The following EPC2 variants were observed in gnomAD, a reference collection of about 807,000 sequenced individuals.
The protein encoded by EPC2 is enhancer of polycomb 2.
In EPC2, 14 loss-of-function variants were observed where a neutral mutation model predicts 92.1. The observed-to-expected ratio is 0.15, with a 90% confidence interval of 0.10 to 0.24. EPC2 has a LOEUF of 0.24. Ranked by LOEUF, EPC2 falls within the 10% of genes least tolerant of loss-of-function variation. EPC2 has a pLI of 1.00. For synonymous variants in EPC2, 340 were observed against 334.7 expected (o/e 1.02, Z -0.17); for missense variants, 755 against 971.5 (o/e 0.78, Z 2.96).
At chr2:148,723,806 A>C (rs1438592228) in intron 2 of EPC2, among the ~76,000 whole-genome samples, 2 of 152,026 alleles carry the variant, frequency 1.3e-5, no homozygotes, top group African/African-American at 4.8e-5. Flanking sequence ...GATATACTTA[A>C]ATTTCTTCTG....
At chr2:148,663,606 T>A (rs1680992763) in intron 1 of EPC2, among the ~76,000 whole-genome samples, 1 of 137,252 alleles carries the variant, frequency 7.3e-6, no homozygotes, top group Admixed American at 7.4e-5. Context: ...TTTTTTTTTT[T>A]TTTTTTTTTT....
Position 148,650,748 on chromosome 2 carries a change from G to A in EPC2, c.153+5578G>A, listed in dbSNP as rs145621306. On this transcript the variant is annotated intron_variant, in intron 1 of 13. Transcript: ENST00000258484. ...ATATTTCATGTTTCATAATGGAGAGGGTATAAAATGCAGTTTTGTAAGTTG... is the reference window on the plus strand; with the variant it reads ...ATATTTCATGTTTCATAATGGAGAGAGTATAAAATGCAGTTTTGTAAGTTG... 6.7e-3 allele frequency among the ~76,000 whole-genome samples: 988 copies of A among 147,152 alleles called. 10 individuals are homozygous for A. The highest frequency in any genetic ancestry group is 0.023 in the African/African-American group (940 of 41,406).
chr2:148,740,241 T>C (rs572366016), intron 2 of EPC2, among the ~76,000 whole-genome samples: 159 of 151,834 alleles, frequency 1.0e-3, no homozygotes, highest in African/African-American at 3.5e-3. Context: ...TTTTTTTTTT[T>C]CTCTAAGTGC....
intron 1 of EPC2, among the ~76,000 whole-genome samples, chr2:148,677,086 C>G (rs1017276359): frequency 6.6e-6 from 1 of 152,206 alleles, no homozygotes; most frequent in African/African-American, 2.4e-5. Flanking sequence ...AACTCTGGTA[C>G]CTACTTCCAG....
intron 1 of EPC2, among the ~76,000 whole-genome samples, chr2:148,646,721 T>G (rs1344596818): frequency 2.6e-5 from 4 of 152,148 alleles, no homozygotes; most frequent in Non-Finnish European, 4.4e-5. Flanking sequence ...TTTGGATATT[T>G]TTGCTATTTT....
intron 8 of EPC2, 27 bp from the exon 9 acceptor site, chr2:148,770,765 T>C (rs187519778): frequency 1.3e-5 from 21 of 1,564,758 alleles, no homozygotes; most frequent in Non-Finnish European, 1.7e-5. Flanking sequence ...ATGAGTTTTT[T>C]GTTTTTTGTT....
At chr2:148,707,059 G>C (rs1682016477) in intron 2 of EPC2, among the ~76,000 whole-genome samples, 1 of 152,136 alleles carries the variant, frequency 6.6e-6, no homozygotes, top group Admixed American at 6.5e-5. Flanking sequence ...CTGGAAATTG[G>C]ATAAAGAGTC....
intron 3 of EPC2, among the ~76,000 whole-genome samples, chr2:148,745,050 C>T (rs1323878684): frequency 8.1e-6 from 1 of 123,000 alleles, no homozygotes; most frequent in African/African-American, 3.1e-5. Context: ...CAAAGAAATA[C>T]ATTTTGAAAA....
At chr2:148,719,952 G>A (rs932205446) in intron 2 of EPC2, among the ~76,000 whole-genome samples, 2 of 152,206 alleles carry the variant, frequency 1.3e-5, no homozygotes, top group Admixed American at 1.3e-4. Flanking sequence ...GCTCTGGCTG[G>A]GAGGACCCGC....
At chr2:148,740,993 T>C (rs745458546) in intron 2 of EPC2, among the ~76,000 whole-genome samples, 3 of 152,156 alleles carry the variant, frequency 2.0e-5, no homozygotes, top group African/African-American at 7.2e-5. Flanking sequence ...TGATGCAGAT[T>C]AGATTGACTT....
intron 1 of EPC2, among the ~76,000 whole-genome samples, chr2:148,683,475 C>T (rs1363440889): frequency 6.6e-6 from 1 of 152,046 alleles, no homozygotes; most frequent in Non-Finnish European, 1.5e-5. Context: ...ACCATGTTAG[C>T]CAGGATTGTC....
At chr2:148,745,555 T>C (rs767130760) in intron 3 of EPC2, among the ~76,000 whole-genome samples, 28 of 152,114 alleles carry the variant, frequency 1.8e-4, no homozygotes, top group Admixed American at 1.2e-3. Context: ...TTTAGTTCTC[T>C]TTGCTCAGGG....
intron 2 of EPC2, among the ~76,000 whole-genome samples, chr2:148,742,784 C>CA (rs5835210): frequency 0.71 from 96,287 of 134,894 alleles, 35,767 homozygotes; most frequent in Non-Finnish European, 0.86. Context: ...GACCTTGCCT[C>CA]AAAAAAAAAA....
chr2:148,674,799 A>G (rs977359844), intron 1 of EPC2, among the ~76,000 whole-genome samples: 5 of 151,948 alleles, frequency 3.3e-5, no homozygotes, highest in South Asian at 2.1e-4. Context: ...GGGTACTGCA[A>G]TTTCTCAGCT....
intron 2 of EPC2, among the ~76,000 whole-genome samples, chr2:148,729,930 T>G (rs1016334232): frequency 2.0e-5 from 3 of 152,192 alleles, no homozygotes; most frequent in African/African-American, 7.2e-5. Flanking sequence ...ATATAAAATG[T>G]GAATTTTGCA....
At chr2:148,662,792 A>G (rs1215399057) in intron 1 of EPC2, among the ~76,000 whole-genome samples, 2 of 149,496 alleles carry the variant, frequency 1.3e-5, no homozygotes, top group Non-Finnish European at 3.0e-5. Context: ...CATTGTGCAC[A>G]TGTACCCTAA....
At chr2:148,713,918 G>T (rs1425591722) in intron 2 of EPC2, among the ~76,000 whole-genome samples, 1 of 152,048 alleles carries the variant, frequency 6.6e-6, no homozygotes. Context: ...TTTCTTGATT[G>T]AGGGGTACAT....
At chr2:148,738,146 A>ACAG (rs1682805719) in intron 2 of EPC2, among the ~76,000 whole-genome samples, 1 of 152,042 alleles carries the variant, frequency 6.6e-6, no homozygotes, top group East Asian at 1.9e-4. Flanking sequence ...AACAACAACA[A>ACAG]AAACTCCTTT....
At chr2:148,742,496 TA>T (rs746731738) in intron 2 of EPC2, among the ~76,000 whole-genome samples, 10 of 152,158 alleles carry the variant, frequency 6.6e-5, no homozygotes, top group Non-Finnish European at 1.5e-4. Flanking sequence ...CTCATGCCTG[TA>T]ATCCCAGCAG....
Sources: gnomAD v4.1 joint callset for allele counts (sites outside exome capture counted in the v4.1 genomes callset) on GRCh38, gnomAD v4.1.1 for gene constraint, MANE v1.5 for transcripts, NCBI Gene and HGNC (gene_info 2026-07-23, HGNC 2026-07-21) for gene names.